Variants in SLC25A43 observed in about 807,000 individuals in gnomAD.
The protein encoded by SLC25A43 is solute carrier family 25 member 43, also known as solute carrier family 25, member 43.
In SLC25A43, 10 loss-of-function variants were observed where a neutral mutation model predicts 22.8. The ratio of observed to expected loss-of-function variants is 0.44; its 90% CI spans 0.27 to 0.74. The LOEUF is 0.74. Among genes scored for constraint, SLC25A43 ranks in the 30% least tolerant of loss-of-function variants. The probability of loss-of-function intolerance (pLI) is 0.17; values close to 1 mark genes in which losing one functional copy is unlikely to be tolerated. For missense variants in SLC25A43, 233 were observed against 279.1 expected (o/e 0.83, Z 1.18); for synonymous variants, 106 against 121.6 (o/e 0.87, Z 0.84).
At chrX:119,409,403 A>G (rs2052328851) in intron 2 of SLC25A43, among the ~76,000 whole-genome samples, 1 of 108,236 alleles carries the variant, frequency 9.2e-6, no homozygotes, top group Non-Finnish European at 1.9e-5. Context: ...GGAGTTTAGT[A>G]GAGACGAGGT....
In SLC25A43 at chrX:119,410,186, G is replaced by T. The variant is rs1443135846; in HGVS notation, c.518-4G>T. 8.3e-7 allele frequency: 1 copy of T among 1,209,208 alleles called. No homozygotes were observed. Among genetic ancestry groups the T allele is most frequent in the Non-Finnish European group, 1.1e-6 (1 of 894,379 alleles). ...AGCAGCTTCTCCCTGGCCTTGTTTT[G>T]CAGGTGCTCTCCCGTTCTCTGCTGG... On this transcript the variant is annotated splice_polypyrimidine_tract_variant and splice_region_variant and intron_variant, in intron 2 of 4. Transcript: ENST00000217909.
chrX:119,413,432 G>A (rs1469113567), intron 3 of SLC25A43, among the ~76,000 whole-genome samples: 2 of 111,435 alleles, frequency 1.8e-5, no homozygotes, highest in African/African-American at 3.3e-5. Context: ...TAGGCCGGGC[G>A]CGGTGGCTCA....
At chrX:119,422,645 C>T (rs780439463) in intron 3 of SLC25A43, among the ~76,000 whole-genome samples, 3 of 111,400 alleles carry the variant, frequency 2.7e-5, no homozygotes, top group South Asian at 3.8e-4. Context: ...GTCCCAAGTC[C>T]GTGTGGTTGT....
chrX:119,435,826 T>C (rs1603298394), intron 3 of SLC25A43, among the ~76,000 whole-genome samples: 1 of 14,301 alleles, frequency 7.0e-5, no homozygotes. Context: ...TGCATAGTAT[T>C]CCATGGTGTA....
chrX:119,423,137 T>C (rs1006374519), intron 3 of SLC25A43: 4 of 111,875 alleles, frequency 3.6e-5, no homozygotes, highest in South Asian at 3.8e-4. Context: ...CCAAATTTGA[T>C]TGTGGATGCA....
At chrX:119,416,947 T>A (rs1603295643) in intron 3 of SLC25A43, among the ~76,000 whole-genome samples, 1 of 111,960 alleles carries the variant, frequency 8.9e-6, no homozygotes, top group Non-Finnish European at 1.9e-5. Context: ...TGTAAGTGTT[T>A]TATTCATTTT....
intron 3 of SLC25A43, among the ~76,000 whole-genome samples, chrX:119,435,273 G>A (rs1668016910): frequency 9.0e-6 from 1 of 110,614 alleles, no homozygotes; most frequent in African/African-American, 3.3e-5. Context: ...AGGAAATTTG[G>A]GAGCTGGTCG....
intron 3 of SLC25A43, among the ~76,000 whole-genome samples, chrX:119,429,633 G>GT (rs761779056): frequency 8.9e-6 from 1 of 112,041 alleles, no homozygotes; most frequent in African/African-American, 3.2e-5. Flanking sequence ...AGTATTTACA[G>GT]TCTAGGAGAT....
At chrX:119,432,758 A>G (rs1030452314) in intron 3 of SLC25A43, among the ~76,000 whole-genome samples, 1 of 99,323 alleles carries the variant, frequency 1.0e-5, no homozygotes, top group Non-Finnish European at 2.0e-5. Flanking sequence ...ACTGCACTCC[A>G]GCCTCAGTGA....
chrX:119,417,458 A>G (rs1461804357), intron 3 of SLC25A43, among the ~76,000 whole-genome samples: 1 of 111,004 alleles, frequency 9.0e-6, no homozygotes, highest in Non-Finnish European at 1.9e-5. Flanking sequence ...AAAAGGTTTC[A>G]GATGAAGTTC....
chrX:119,399,475 G>GCTCAGC lies in SLC25A43; in HGVS notation c.83_88dup (p.Ser28_Leu29dup), dbSNP rs2052216867. ...TGCTGTGCGCTGGGCTGGCGGGGAC[G>GCTCAGC]CTCAGCCTCAGCCTCACCGCGCCCC... On this transcript the variant is annotated inframe_insertion, in exon 1 of 5. Transcript: ENST00000217909. The GCTCAGC allele has an allele frequency of 1.9e-6, 2 of 1,068,505 alleles. No homozygotes were observed. Among genetic ancestry groups the GCTCAGC allele is most frequent in the African/African-American group, 1.9e-5 (1 of 51,361 alleles). The allele number at this position is 1,068,505 out of a possible 1,213,427, so 88.1% of individuals were successfully genotyped here.
intron 3 of SLC25A43, among the ~76,000 whole-genome samples, chrX:119,442,150 G>A (rs2052628099): frequency 8.9e-6 from 1 of 112,212 alleles, no homozygotes; most frequent in African/African-American, 3.2e-5. Flanking sequence ...GAGAAGGCAA[G>A]ATCGCTAAGG....
intron 1 of SLC25A43, among the ~76,000 whole-genome samples, chrX:119,400,926 C>A (rs1169554604): frequency 2.7e-5 from 3 of 111,374 alleles, no homozygotes; most frequent in Non-Finnish European, 5.7e-5. Flanking sequence ...GTTTCTCCCC[C>A]ACTTCACCCT....
At chrX:119,432,266 T>G (rs2052559934) in intron 3 of SLC25A43, among the ~76,000 whole-genome samples, 1 of 112,051 alleles carries the variant, frequency 8.9e-6, no homozygotes, top group South Asian at 3.7e-4. Context: ...TTTTTAGGTG[T>G]GATAACGGTA....
chrX:119,403,244 C>T (rs1307930716), intron 1 of SLC25A43, among the ~76,000 whole-genome samples: 2 of 110,782 alleles, frequency 1.8e-5, no homozygotes, highest in Non-Finnish European at 3.8e-5. Context: ...TCAAACTCCA[C>T]CTTCTAGGTG....
At chrX:119,425,627 G>GAAAAAA (rs58579795) in intron 3 of SLC25A43, among the ~76,000 whole-genome samples, 2 of 85,447 alleles carry the variant, frequency 2.3e-5, no homozygotes, top group Non-Finnish European at 4.6e-5. Flanking sequence ...TTAGCAGTCA[G>GAAAAAA]AAAAAAAAAA....
chrX:119,442,644 G>A (rs964008628), intron 3 of SLC25A43, among the ~76,000 whole-genome samples: 2 of 111,976 alleles, frequency 1.8e-5, no homozygotes, highest in African/African-American at 6.5e-5. Context: ...TCCGAACAAT[G>A]CTAAAGGAAA....
chrX:119,399,528 T>C lies in SLC25A43; in HGVS notation c.125T>C (p.Val42Ala), dbSNP rs1334365280. The C allele has an allele frequency of 1.4e-5, 15 of 1,087,835 alleles. No individual in the cohort carries two copies. Among genetic ancestry groups the C allele is most frequent in the South Asian group, 2.2e-5 (1 of 44,935 alleles). 89.6% of individuals were successfully genotyped at this position (1,087,835 alleles called of 1,213,427 possible). A position where few individuals can be genotyped will look rare whatever the true frequency, so the allele number is the denominator to read the frequency against. The change falls in exon 1 of 5, where the codon GTT becomes GCT. Residue 42 changes from valine to alanine, a missense_variant. Transcript: ENST00000217909. ...PLELATVLAQ[V>A]GVVRGHARGP... ...GAGCTCGCCACCGTGCTGGCCCAGG[T>C]TGGCGTCGTGCGAGGCCACGCCCGG...
chrX:119,442,182 T>C (rs1321675066), intron 3 of SLC25A43, among the ~76,000 whole-genome samples: 2 of 112,303 alleles, frequency 1.8e-5, no homozygotes, highest in African/African-American at 6.5e-5. Context: ...ACAATCCACA[T>C]GCGCAGTGGT....
Sources: allele counts gnomAD v4.1 joint callset (sites outside exome capture counted in the v4.1 genomes callset), GRCh38; gene constraint gnomAD v4.1.1; transcripts MANE v1.5; gene names NCBI Gene and HGNC (gene_info 2026-07-23, HGNC 2026-07-21).